NPIPB2: variants seen among roughly 807,000 people sequenced by gnomAD.
NPIPB2 encodes nuclear pore complex interacting protein family member B2, also known as nuclear pore complex-interacting protein family member B2.
NPIPB2 carries 27 observed loss-of-function variants against 30.8 expected under a neutral mutation model. That is an observed-to-expected ratio of 0.88 (90% CI 0.65 to 1.21). The LOEUF (loss-of-function observed/expected upper bound fraction) is 1.21. Among genes scored for constraint, NPIPB2 ranks in the 50% most tolerant of loss-of-function variants. The probability of loss-of-function intolerance (pLI) is 0.00; values close to 1 mark genes in which losing one functional copy is unlikely to be tolerated. For synonymous variants in NPIPB2, 147 were observed against 162.0 expected, an observed-to-expected ratio of 0.91 and a Z score of 0.70; for missense variants, 440 against 446.2, an observed-to-expected ratio of 0.99 and a Z score of 0.13.
chr16:11,957,338 T>A (rs539572004), intron 1 of NPIPB2, among the ~76,000 whole-genome samples: 1 of 152,158 alleles, frequency 6.6e-6, no homozygotes, highest in African/African-American at 2.4e-5. Context: ...CTAAGTTTTA[T>A]ACTTTTAGTA....
intron 4 of NPIPB2, among the ~76,000 whole-genome samples, chr16:11,931,576 G>A (rs2054790922): frequency 6.6e-6 from 1 of 152,066 alleles, no homozygotes; most frequent in Non-Finnish European, 1.5e-5. Context: ...ATGGGAGCAG[G>A]GTCCTGTCCC....
rs1357583067 is a variant in NPIPB2, at chr16:11,938,253, T to TGA, written c.64-587_64-586dup. 3.3e-5 allele frequency among the ~76,000 whole-genome samples: 5 copies of TGA among 152,292 alleles called. No individual in the cohort carries two copies. The East Asian group carries it at 9.7e-4, about 29-fold the overall frequency. ...AGTCTGGCCTTGAACTCCTGACAGG[T>TGA]GATCTGCCTGCCTCAGCCTCCCAAA... On this transcript the variant is annotated intron_variant, in intron 1 of 7. Coordinates refer to ENST00000399147, the Ensembl canonical transcript of NPIPB2.
intron 1 of NPIPB2, among the ~76,000 whole-genome samples, chr16:11,948,562 C>T (rs376794134): frequency 6.6e-6 from 1 of 151,710 alleles, no homozygotes; most frequent in African/African-American, 2.4e-5. Flanking sequence ...GTCAGGAGAT[C>T]GAGACCATCC....
chr16:11,944,361 T>C (rs1200106041), upstream of NPIPB2, among the ~76,000 whole-genome samples: 1 of 150,190 alleles, frequency 6.7e-6, no homozygotes, highest in African/African-American at 2.4e-5. Flanking sequence ...GAGACGGGGG[T>C]TTCACGATGT....
At chr16:11,937,916 C>A (rs2054889497) in intron 1 of NPIPB2, among the ~76,000 whole-genome samples, 1 of 152,016 alleles carries the variant, frequency 6.6e-6, no homozygotes, top group Admixed American at 6.6e-5. Flanking sequence ...GCAGGGATAT[C>A]CAATCTTTTG....
chr16:11,957,376 G>A (rs1032661502), intron 1 of NPIPB2, among the ~76,000 whole-genome samples: 4 of 152,020 alleles, frequency 2.6e-5, no homozygotes, highest in African/African-American at 9.7e-5. Context: ...CGTTAGCCAG[G>A]ATGGTCTCCA....
At chr16:11,975,341 GT>G (rs2055275409) in intron 1 of NPIPB2, among the ~76,000 whole-genome samples, 1 of 147,060 alleles carries the variant, frequency 6.8e-6, no homozygotes, top group African/African-American at 2.5e-5. Flanking sequence ...TAGAGACGGG[GT>G]TTCACCGTTT....
intron 1 of NPIPB2, among the ~76,000 whole-genome samples, chr16:11,954,417 A>C (rs1322528967): frequency 6.6e-6 from 1 of 151,618 alleles, no homozygotes; most frequent in African/African-American, 2.4e-5. Flanking sequence ...GTTTAAGGTT[A>C]CAGTGAGTTA....
intron 1 of NPIPB2, among the ~76,000 whole-genome samples, chr16:11,947,418 C>T (rs1307551758): frequency 6.6e-6 from 1 of 151,108 alleles, no homozygotes; most frequent in Non-Finnish European, 1.5e-5. Context: ...GATCTCGGCT[C>T]ACTGCAAGCT....
chr16:11,935,540 C>T (rs2054854133), intron 2 of NPIPB2, among the ~76,000 whole-genome samples: 1 of 152,146 alleles, frequency 6.6e-6, no homozygotes. Flanking sequence ...TCTTGAACTC[C>T]TGACCTCAGA....
rs569640791 is a variant in NPIPB2 at position 11,953,206 on chromosome 16, C to T, written c.-583-11092G>A. On this transcript the variant is annotated intron_variant, in intron 1 of 5. Transcript: ENST00000538896. ...TGTTGCTCAGCCTGGAGTGCAGTGG[C>T]GCAATGTTGGCTCACTGCAACCTCC... Among the ~76,000 whole-genome samples, 7 of 152,010 alleles carry T rather than the reference C, an allele frequency of 4.6e-5. No homozygotes were observed. The East Asian group carries it at 1.2e-3, about 25-fold the overall frequency.
intron 1 of NPIPB2, among the ~76,000 whole-genome samples, chr16:11,962,611 C>CAAAAAAAAAAAAA (rs765156261): frequency 2.9e-5 from 1 of 34,636 alleles, no homozygotes; most frequent in Non-Finnish European, 6.7e-5. Flanking sequence ...GATTCTGTCT[C>CAAAAAAAAAAAAA]AAAAAAAAAA....
intron 1 of NPIPB2, 117 bp downstream of exon 1, chr16:11,941,866 C>T: frequency 1.1e-6 from 1 of 874,162 alleles, no homozygotes; most frequent in Non-Finnish European, 1.8e-6. Flanking sequence ...CAACCAGCTC[C>T]CTGTCCCTGC....
chr16:11,952,198 A>G (rs1184373062), intron 1 of NPIPB2, among the ~76,000 whole-genome samples: 2 of 150,992 alleles, frequency 1.3e-5, no homozygotes, highest in Non-Finnish European at 3.0e-5. Flanking sequence ...AAAGAAAAAA[A>G]TTAGCTGGGT....
At position 11,951,666 on chromosome 16, in the gene NPIPB2, A is replaced by ACACCCC. The variant is rs1226047972; in HGVS notation, c.-583-9553_-583-9552insGGGGTG. Among the ~76,000 whole-genome samples the ACACCCC allele has an allele frequency of 8.3e-3, 1,147 of 138,876 alleles. 16 individuals carry two copies. Among genetic ancestry groups the ACACCCC allele is most frequent in the South Asian group, 0.027 (105 of 3,870 alleles). 91.1% of individuals were successfully genotyped at this position (138,876 alleles called of 152,430 possible). A position where few individuals can be genotyped will look rare whatever the true frequency, so the allele number is the denominator to read the frequency against. On this transcript the variant is annotated intron_variant, in intron 1 of 5. Coordinates refer to the NPIPB2 transcript ENST00000538896. ...CACACACACACACACACACACACAC[A>ACACCCC]CCCAGCCCCCAAACAACAAAATTCA...
intron 1 of NPIPB2, chr16:11,967,755 A>T (rs1269948753): frequency 6.2e-7 from 1 of 1,614,222 alleles, no homozygotes. Context: ...AGGCGCAACC[A>T]TTCTTGTCAC....
In NPIPB2 at chr16:11,958,465, C is replaced by T. The variant is rs563307100; in HGVS notation, c.-583-16351G>A. On this transcript the variant is annotated intron_variant, in intron 1 of 5. Coordinates refer to the NPIPB2 transcript ENST00000538896. ...AAATCCTAGGCCAGGCATGGTGGCTCATGCCTATAATCCTAGCACTTTGGG... is the reference window on the plus strand; with the variant it reads ...AAATCCTAGGCCAGGCATGGTGGCTTATGCCTATAATCCTAGCACTTTGGG... Among the ~76,000 whole-genome samples the T allele has an allele frequency of 6.6e-5, 10 of 150,634 alleles. No homozygotes were observed. The East Asian group carries it at 1.9e-3, about 29-fold the overall frequency.
At chr16:11,931,658 T>A (rs1233208524) in intron 4 of NPIPB2, among the ~76,000 whole-genome samples, 1 of 144,230 alleles carries the variant, frequency 6.9e-6, no homozygotes, top group African/African-American at 2.6e-5. Flanking sequence ...GCTGTGCACT[T>A]GGGAACTAGA....
At chr16:11,959,482 T>C (rs182138451) in intron 1 of NPIPB2, among the ~76,000 whole-genome samples, 19 of 152,030 alleles carry the variant, frequency 1.2e-4, no homozygotes, top group Non-Finnish European at 2.4e-4. Flanking sequence ...CCTAGCTACC[T>C]GAGAGGCTGA....
Sources: gnomAD v4.1 joint callset for allele counts (sites outside exome capture counted in the v4.1 genomes callset) on GRCh38, gnomAD v4.1.1 for gene constraint, MANE v1.5 for transcripts, NCBI Gene and HGNC (gene_info 2026-07-23, HGNC 2026-07-21) for gene names.